The following TMEM132D variants were observed in gnomAD, a reference collection of about 807,000 sequenced individuals.
The protein encoded by TMEM132D is mature OL transmembrane protein.
Under a neutral mutation model 62.3 loss-of-function variants are expected in TMEM132D, and 21 were observed. The observed-to-expected ratio is 0.34, with a 90% confidence interval of 0.24 to 0.49. The LOEUF (loss-of-function observed/expected upper bound fraction) is 0.49, where lower values mean the gene tolerates loss of function less well. Ranked by LOEUF, TMEM132D falls within the 20% of genes least tolerant of loss-of-function variation. The pLI is 0.99. For missense variants in TMEM132D, 1,346 were observed against 1,402.8 expected, an observed-to-expected ratio of 0.96 and a Z score of 0.65; for synonymous variants, 621 against 575.6, an observed-to-expected ratio of 1.08 and a Z score of -1.13.
At chr12:129,446,321 C>T (rs1421999066) in intron 3 of TMEM132D, among the ~76,000 whole-genome samples, 4 of 152,114 alleles carry the variant, frequency 2.6e-5, no homozygotes, top group Non-Finnish European at 4.4e-5. Context: ...ATCAGGTATC[C>T]CTGCAGAATA....
intron 4 of TMEM132D, among the ~76,000 whole-genome samples, chr12:129,239,107 G>T (rs143505573): frequency 6.7e-6 from 1 of 148,182 alleles, no homozygotes; most frequent in Non-Finnish European, 1.5e-5. Flanking sequence ...ATCTTTTCAC[G>T]TGCTTGTTAT....
chr12:129,604,164 C>T (rs1045545404), intron 2 of TMEM132D, among the ~76,000 whole-genome samples: 5 of 151,736 alleles, frequency 3.3e-5, no homozygotes, highest in South Asian at 2.1e-4. Flanking sequence ...CAGGGCCCGT[C>T]GAGGGGTTGG....
intron 5 of TMEM132D, among the ~76,000 whole-genome samples, chr12:129,108,880 T>C (rs12312628): frequency 0.24 from 37,180 of 152,208 alleles, 4,744 homozygotes; most frequent in African/African-American, 0.3. Flanking sequence ...TTCTGCTGTG[T>C]TTGCTCTATC....
chr12:129,552,165 A>G (rs1876916286), intron 2 of TMEM132D, among the ~76,000 whole-genome samples: 2 of 152,346 alleles, frequency 1.3e-5, no homozygotes, highest in African/African-American at 4.8e-5. Context: ...GACAACTCCA[A>G]GTCAAACCAT....
At position 129,409,920 on chromosome 12, in the gene TMEM132D, G is replaced by A. The variant is rs181885975; in HGVS notation, c.1116-72103C>T. ...AGAGACTCTGCTTGATGGGGACTAT[G>A]AGTTAACGTAGACTTCTGAATCTTA... On this transcript the variant is annotated intron_variant, in intron 3 of 8. Transcript: ENST00000422113. Among the ~76,000 whole-genome samples, 7 of 152,284 alleles carry A rather than the reference G, an allele frequency of 4.6e-5. No individual in the cohort carries two copies. The East Asian group carries it at 1.4e-3, about 29-fold the overall frequency.
chr12:129,284,706 T>G (rs1381153874), intron 4 of TMEM132D, among the ~76,000 whole-genome samples: 3 of 152,144 alleles, frequency 2.0e-5, no homozygotes, highest in Admixed American at 2.0e-4. Flanking sequence ...ATATAGCATA[T>G]AAATACAATG....
At chr12:129,596,880 A>T (rs1197471010) in intron 2 of TMEM132D, among the ~76,000 whole-genome samples, 1 of 151,940 alleles carries the variant, frequency 6.6e-6, no homozygotes, top group Non-Finnish European at 1.5e-5. Context: ...AAATTCTGTG[A>T]TTGTCTGAGC....
intron 3 of TMEM132D, among the ~76,000 whole-genome samples, chr12:129,520,313 A>G (rs1875812774): frequency 6.6e-6 from 1 of 152,194 alleles, no homozygotes; most frequent in East Asian, 1.9e-4. Flanking sequence ...TGGGGTGCAT[A>G]CGTCTCTAAT....
At chr12:129,096,057 C>G (rs1312076910) in intron 5 of TMEM132D, among the ~76,000 whole-genome samples, 2 of 152,168 alleles carry the variant, frequency 1.3e-5, no homozygotes. Context: ...GGTGTTAAAG[C>G]TGCCATCGAG....
chr12:129,375,435 C>T (rs1870755847), intron 3 of TMEM132D, among the ~76,000 whole-genome samples: 1 of 152,072 alleles, frequency 6.6e-6, no homozygotes, highest in East Asian at 1.9e-4. Flanking sequence ...GCTTGGAGTC[C>T]CACCCTGAAT....
At chr12:129,740,386 T>A (rs1239175758) in intron 1 of TMEM132D, among the ~76,000 whole-genome samples, 1 of 152,182 alleles carries the variant, frequency 6.6e-6, no homozygotes, top group Non-Finnish European at 1.5e-5. Flanking sequence ...ATGGCCCAGG[T>A]ACTGTTGCTG....
rs117005516 is a variant in TMEM132D, at chr12:129,184,474, A to T, written c.1443+25046T>A. On this transcript the variant is annotated intron_variant, in intron 5 of 8. Coordinates refer to ENST00000422113, the MANE Select transcript of TMEM132D (RefSeq NM_133448.3). ...GGTTGATTTCTGGGCCGTCTGGCTG[A>T]TCTCAGCACCCTGTCGCTCCAGGGC... is the stretch of plus-strand genomic sequence containing the variant. 5.0e-3 allele frequency among the ~76,000 whole-genome samples: 762 copies of T among 152,298 alleles called. 6 individuals carry two copies. The Middle Eastern group carries it at 0.054, about 11-fold the overall frequency.
intron 5 of TMEM132D, among the ~76,000 whole-genome samples, chr12:129,184,495 A>T (rs1184870737): frequency 6.6e-6 from 1 of 152,186 alleles, no homozygotes; most frequent in Non-Finnish European, 1.5e-5. Flanking sequence ...CTGTCGCTCC[A>T]GGGCACATTT....
intron 5 of TMEM132D, among the ~76,000 whole-genome samples, chr12:129,206,955 A>AG (rs1348052161): frequency 2.0e-5 from 3 of 152,126 alleles, no homozygotes; most frequent in Non-Finnish European, 4.4e-5. Context: ...GGAAGGCTGG[A>AG]GGGTGGGAAG....
intron 4 of TMEM132D, among the ~76,000 whole-genome samples, chr12:129,273,094 G>A (rs888320441): frequency 1.3e-5 from 2 of 151,794 alleles, no homozygotes; most frequent in African/African-American, 4.9e-5. Flanking sequence ...TACTTGGCAG[G>A]CTGAGGCACG....
At chr12:129,165,761 T>C (rs1035693078) in intron 5 of TMEM132D, among the ~76,000 whole-genome samples, 1 of 152,114 alleles carries the variant, frequency 6.6e-6, no homozygotes, top group Admixed American at 6.6e-5. Context: ...TGATATGAAG[T>C]GTGTCATCCC....
intron 5 of TMEM132D, among the ~76,000 whole-genome samples, chr12:129,096,350 C>T (rs1875116094): frequency 6.6e-6 from 1 of 152,020 alleles, no homozygotes; most frequent in Non-Finnish European, 1.5e-5. Context: ...ACAGAAGGTC[C>T]ATTAGGCCGT....
At chr12:129,348,088 C>T (rs1039134957) in intron 3 of TMEM132D, among the ~76,000 whole-genome samples, 3 of 152,308 alleles carry the variant, frequency 2.0e-5, no homozygotes, top group African/African-American at 4.8e-5. Flanking sequence ...GAAATAGGCA[C>T]ACTTTTACAC....
At chr12:129,382,722 A>C (rs1306687871) in intron 3 of TMEM132D, among the ~76,000 whole-genome samples, 1 of 152,158 alleles carries the variant, frequency 6.6e-6, no homozygotes, top group Non-Finnish European at 1.5e-5. Flanking sequence ...TTTTTTATGA[A>C]TACAGAGGCT....
Sources: gnomAD v4.1 joint callset for allele counts (sites outside exome capture counted in the v4.1 genomes callset) on GRCh38, gnomAD v4.1.1 for gene constraint, MANE v1.5 for transcripts, NCBI Gene and HGNC (gene_info 2026-07-23, HGNC 2026-07-21) for gene names.